Variants in GRIN3A observed in about 807,000 individuals in gnomAD.
The protein encoded by GRIN3A is glutamate ionotropic receptor NMDA type subunit 3A.
GRIN3A carries 47 observed loss-of-function variants against 92.4 expected under a neutral mutation model. That is an observed-to-expected ratio of 0.51 (90% confidence interval 0.40 to 0.65). The LOEUF (loss-of-function observed/expected upper bound fraction) is 0.65. Among genes scored for constraint, GRIN3A ranks in the 30% least tolerant of loss-of-function variants. GRIN3A has a pLI of 0.00. For synonymous variants in GRIN3A, 527 were observed against 540.6 expected (o/e 0.97, Z 0.35); for missense variants, 1,324 against 1,393.1 (o/e 0.95, Z 0.79).
chr9:101,653,363 TG>T (rs1477633772), intron 3 of GRIN3A, among the ~76,000 whole-genome samples: 2 of 151,970 alleles, frequency 1.3e-5, no homozygotes, highest in Non-Finnish European at 2.9e-5. Flanking sequence ...TTTGAATTTA[TG>T]ATGAACTCTA....
At chr9:101,664,546 C>A (rs1292855854) in intron 3 of GRIN3A, among the ~76,000 whole-genome samples, 2 of 151,842 alleles carry the variant, frequency 1.3e-5, no homozygotes, top group Non-Finnish European at 2.9e-5. Context: ...GCACAGCAGG[C>A]CAGTTCCTCT....
At chr9:101,686,566 T>A in intron 2 of GRIN3A, 30 bp downstream of exon 2, 11 of 1,613,500 alleles carry the variant, frequency 6.8e-6, no homozygotes, top group Non-Finnish European at 9.3e-6. Flanking sequence ...GCCCTATGAA[T>A]GGGGATATAA....
At chr9:101,638,692 A>G (rs143749278) in intron 3 of GRIN3A, among the ~76,000 whole-genome samples, 1 of 152,370 alleles carries the variant, frequency 6.6e-6, no homozygotes, top group Non-Finnish European at 1.5e-5. Flanking sequence ...TAAAATCCTT[A>G]GAATAGCTAA....
intron 3 of GRIN3A, among the ~76,000 whole-genome samples, chr9:101,667,296 C>T (rs990227500): frequency 6.6e-6 from 1 of 151,780 alleles, no homozygotes; most frequent in African/African-American, 2.4e-5. Flanking sequence ...TACCTCCAAG[C>T]AATTCATTCT....
chr9:101,712,691 T>A (rs546729966), intron 1 of GRIN3A, among the ~76,000 whole-genome samples: 1 of 152,306 alleles, frequency 6.6e-6, no homozygotes, highest in East Asian at 1.9e-4. Context: ...AAACATCTAC[T>A]AATAATCAGC....
At chr9:101,657,894 C>T (rs12685672) in intron 3 of GRIN3A, among the ~76,000 whole-genome samples, 11,167 of 151,930 alleles carry the variant, frequency 0.074, 549 homozygotes, top group East Asian at 0.22. Flanking sequence ...GTGTCTCTTT[C>T]GCTTCTTCAT....
chr9:101,699,946 C>T (rs1245303244), intron 1 of GRIN3A, among the ~76,000 whole-genome samples: 2 of 152,124 alleles, frequency 1.3e-5, no homozygotes, highest in East Asian at 3.9e-4. Context: ...TCGTCAACTC[C>T]CAGTCAACTT....
intron 1 of GRIN3A, among the ~76,000 whole-genome samples, chr9:101,717,752 T>C (rs1439653046): frequency 6.6e-6 from 1 of 152,004 alleles, no homozygotes; most frequent in Non-Finnish European, 1.5e-5. Flanking sequence ...GCAGAAGAGG[T>C]GAATGAGGAG....
At chr9:101,578,788 A>G (rs1341739231) in intron 7 of GRIN3A, among the ~76,000 whole-genome samples, 1 of 152,158 alleles carries the variant, frequency 6.6e-6, no homozygotes, top group African/African-American at 2.4e-5. Context: ...CCAGGGAAAA[A>G]GCAGAGAGAA....
At chr9:101,637,792 T>C (rs1334769446) in intron 3 of GRIN3A, among the ~76,000 whole-genome samples, 1 of 152,194 alleles carries the variant, frequency 6.6e-6, no homozygotes, top group African/African-American at 2.4e-5. Context: ...CCAGAGCCTT[T>C]GTATCCAAAC....
intron 3 of GRIN3A, among the ~76,000 whole-genome samples, chr9:101,662,231 T>C (rs985954720): frequency 2.6e-5 from 4 of 151,816 alleles, no homozygotes; most frequent in Admixed American, 6.6e-5. Context: ...CAAACTCCTC[T>C]CTATAAGTTA....
chr9:101,682,812 C>A (rs1829475691), intron 2 of GRIN3A, among the ~76,000 whole-genome samples: 1 of 152,114 alleles, frequency 6.6e-6, no homozygotes, highest in Non-Finnish European at 1.5e-5. Flanking sequence ...GAAACCCCGT[C>A]TCTACTAAAA....
At chr9:101,658,272 T>C (rs1329225877) in intron 3 of GRIN3A, among the ~76,000 whole-genome samples, 1 of 152,024 alleles carries the variant, frequency 6.6e-6, no homozygotes, top group Non-Finnish European at 1.5e-5. Context: ...GTCCCTAGAC[T>C]ATAGCAGGTA....
rs1044116318 is a variant in GRIN3A at position 101,610,193 on chromosome 9, T to A, written c.2766+3183A>T. 2.6e-5 allele frequency among the ~76,000 whole-genome samples: 4 copies of A among 152,154 alleles called. No homozygotes were observed. The East Asian group carries it at 7.7e-4, about 29-fold the overall frequency. On this transcript the variant is annotated intron_variant, in intron 6 of 8. Coordinates refer to ENST00000361820, the MANE Select transcript of GRIN3A (RefSeq NM_133445.3). ...TTTCTTTTAGGAAAAGACACGCAAA[T>A]CTCTCTAAATAAAGATAAAAATGTC...
At chr9:101,578,048 C>T (rs1827848293) in intron 7 of GRIN3A, among the ~76,000 whole-genome samples, 1 of 152,086 alleles carries the variant, frequency 6.6e-6, no homozygotes, top group Non-Finnish European at 1.5e-5. Context: ...TATTATTCCA[C>T]CTGGAGAAAC....
In GRIN3A at chr9:101,701,628, C is replaced by CA. The variant is rs1829755101; in HGVS notation, c.700-14429dup. On this transcript the variant is annotated intron_variant, in intron 1 of 8. Coordinates refer to ENST00000361820, the MANE Select transcript of GRIN3A (RefSeq NM_133445.3). Reference sequence around the variant, plus strand: ...AAAACCTTGACAATACCATTCAGGACATTGGCACAGACAAAGATTTCATGA... The same window carrying CA: ...AAAACCTTGACAATACCATTCAGGACAATTGGCACAGACAAAGATTTCATGA... Among the ~76,000 whole-genome samples, 3 of 152,274 alleles carry CA rather than the reference C, an allele frequency of 2.0e-5. No homozygotes were observed. In the South Asian group the frequency reaches 6.2e-4, roughly 32 times the overall value.
At chr9:101,721,478 G>A (rs1177625363) in intron 1 of GRIN3A, among the ~76,000 whole-genome samples, 1 of 152,188 alleles carries the variant, frequency 6.6e-6, no homozygotes, top group Non-Finnish European at 1.5e-5. Context: ...ACCCGAAAAT[G>A]TGGAAGCGAC....
intron 2 of GRIN3A, among the ~76,000 whole-genome samples, chr9:101,671,352 C>A (rs568034194): frequency 6.6e-6 from 1 of 152,148 alleles, no homozygotes; most frequent in African/African-American, 2.4e-5. Context: ...AGGTGCTTGA[C>A]TCTTAGTCTT....
chr9:101,694,968 G>A (rs1829666510), intron 1 of GRIN3A, among the ~76,000 whole-genome samples: 1 of 152,204 alleles, frequency 6.6e-6, no homozygotes, highest in Non-Finnish European at 1.5e-5. Flanking sequence ...TTTATTTGGA[G>A]TCACTCACAT....
Sources: allele counts gnomAD v4.1 joint callset (sites outside exome capture counted in the v4.1 genomes callset), GRCh38; gene constraint gnomAD v4.1.1; transcripts MANE v1.5; gene names NCBI Gene and HGNC (gene_info 2026-07-23, HGNC 2026-07-21).